Variants in GTF2E2 observed in about 807,000 individuals in gnomAD.
The protein encoded by GTF2E2 is general transcription factor IIE subunit 2, also known as transcription initiation factor IIE subunit beta.
GTF2E2 carries 21 observed loss-of-function variants against 40.5 expected under a neutral mutation model. That is an observed-to-expected ratio of 0.52 (90% CI 0.37 to 0.75). GTF2E2 has a LOEUF of 0.75. Among genes scored for constraint, GTF2E2 ranks in the 30% least tolerant of loss-of-function variants. The pLI, the probability that GTF2E2 is intolerant of heterozygous loss-of-function variation, is 0.00. For synonymous variants in GTF2E2, 117 were observed against 121.6 expected, an observed-to-expected ratio of 0.96 and a Z score of 0.25; for missense variants, 298 against 338.4, an observed-to-expected ratio of 0.88 and a Z score of 0.94.
chr8:30,620,004 G>A lies in GTF2E2; in HGVS notation c.259-5289C>T, dbSNP rs149225576. Among the ~76,000 whole-genome samples the A allele has an allele frequency of 5.9e-3, 898 of 152,086 alleles. 10 individuals carry two copies. The highest frequency in any genetic ancestry group is 0.019 in the African/African-American group (801 of 41,380). On this transcript the variant is annotated intron_variant, in intron 3 of 7. Coordinates refer to ENST00000355904, the MANE Select transcript of GTF2E2 (RefSeq NM_002095.6). Reference sequence around the variant, plus strand: ...AGATGTGACAACAGAAGAGGATGGAGGAAGGACTATGAGTCAGGGAATGCA... The same window carrying A: ...AGATGTGACAACAGAAGAGGATGGAAGAAGGACTATGAGTCAGGGAATGCA...
intron 2 of GTF2E2, chr8:30,645,290 A>G (rs1253436652): frequency 6.6e-7 from 1 of 1,526,050 alleles, no homozygotes; most frequent in Non-Finnish European, 8.7e-7. Context: ...GATTCAAAAG[A>G]GCAAGTGGAA....
intron 7 of GTF2E2, among the ~76,000 whole-genome samples, chr8:30,579,440 T>G (rs1255454427): frequency 1.3e-5 from 2 of 152,210 alleles, no homozygotes; most frequent in Non-Finnish European, 1.5e-5. Flanking sequence ...GTCTGTAATA[T>G]TCTCTATTCT....
intron 3 of GTF2E2, among the ~76,000 whole-genome samples, chr8:30,621,754 C>T (rs902158382): frequency 3.3e-5 from 5 of 151,956 alleles, no homozygotes; most frequent in Non-Finnish European, 5.9e-5. Flanking sequence ...TCTAGCTTTT[C>T]TACATACTTA....
At chr8:30,623,591 ACT>A (rs1346145582) in intron 3 of GTF2E2, among the ~76,000 whole-genome samples, 1 of 152,076 alleles carries the variant, frequency 6.6e-6, no homozygotes, top group Non-Finnish European at 1.5e-5. Flanking sequence ...GAATCGCCAC[ACT>A]GACTTCTACA....
chr8:30,655,605 T>C (rs1802426282), intron 1 of GTF2E2, among the ~76,000 whole-genome samples: 1 of 152,214 alleles, frequency 6.6e-6, no homozygotes, highest in African/African-American at 2.4e-5. Flanking sequence ...AATATCTTGT[T>C]TGTGAGGCAC....
chr8:30,586,515 T>C (rs552387742), intron 6 of GTF2E2, among the ~76,000 whole-genome samples: 1 of 152,298 alleles, frequency 6.6e-6, no homozygotes, highest in South Asian at 2.1e-4. Flanking sequence ...TCCAATGTCA[T>C]TTTTCACATA....
rs148951876 is a variant in GTF2E2, at chr8:30,607,333, C to T, written c.550-183G>A. ...TTAGTTTTGTTTTTAAGAGACTCCACCCAGACTGGAGTGCAGCTCACTGCA... is the reference window on the plus strand; with the variant it reads ...TTAGTTTTGTTTTTAAGAGACTCCATCCAGACTGGAGTGCAGCTCACTGCA... On this transcript the variant is annotated intron_variant, in intron 5 of 7. Transcript: ENST00000355904. Among the ~76,000 whole-genome samples, 733 of 152,286 alleles carry T rather than the reference C, an allele frequency of 4.8e-3. 4 individuals are homozygous for T. The highest frequency in any genetic ancestry group is 0.017 in the African/African-American group (704 of 41,552).
intron 2 of GTF2E2, chr8:30,637,407 T>C (rs971420977): frequency 2.5e-6 from 1 of 402,304 alleles, no homozygotes; most frequent in Admixed American, 3.1e-5. Context: ...ATGTCAAGCT[T>C]AGTAAACACT....
At position 30,653,359 on chromosome 8, in the gene GTF2E2, A is replaced by T. The variant is rs565047343; in HGVS notation, c.166+74T>A. The T allele has an allele frequency of 1.2e-4, 128 of 1,100,056 alleles. 1 individual carries two copies. Among genetic ancestry groups the T allele is most frequent in the Middle Eastern group, 5.2e-4 (2 of 3,842 alleles). The allele number at this position is 1,100,056 out of a possible 1,614,324, so 68.1% of individuals were successfully genotyped here. ...ACATGAGTGCTGAACTGAAAAATGAACTAGCCATAACTAAACGGTTTCCTC... is the reference window on the plus strand; with the variant it reads ...ACATGAGTGCTGAACTGAAAAATGATCTAGCCATAACTAAACGGTTTCCTC... On this transcript the variant is annotated intron_variant, in intron 2 of 7. Coordinates refer to ENST00000355904, the MANE Select transcript of GTF2E2 (RefSeq NM_002095.6).
At chr8:30,607,233 G>A in intron 5 of GTF2E2, 83 bp from the exon 6 acceptor site, 1 of 565,996 alleles carries the variant, frequency 1.8e-6, no homozygotes, top group Non-Finnish European at 3.2e-6. Flanking sequence ...CAATAAAGGA[G>A]TTTCATTTCC....
intron 3 of GTF2E2, among the ~76,000 whole-genome samples, chr8:30,627,792 AG>A (rs1235225180): frequency 1.3e-5 from 2 of 152,252 alleles, no homozygotes; most frequent in Non-Finnish European, 2.9e-5. Context: ...TATTCTCAAC[AG>A]AACACTGAAG....
intron 7 of GTF2E2, among the ~76,000 whole-genome samples, chr8:30,579,923 G>A (rs1456805167): frequency 1.2e-4 from 18 of 152,166 alleles, no homozygotes; most frequent in Admixed American, 1.1e-3. Flanking sequence ...GGAGGGCCCC[G>A]TTCAAGTCTG....
intron 1 of GTF2E2, among the ~76,000 whole-genome samples, chr8:30,656,315 G>A (rs1470395014): frequency 6.6e-6 from 1 of 152,206 alleles, no homozygotes; most frequent in Non-Finnish European, 1.5e-5. Context: ...GGATCTGAAA[G>A]AAGGGAATGA....
At chr8:30,626,633 A>G (rs1216913409) in intron 3 of GTF2E2, among the ~76,000 whole-genome samples, 1 of 152,202 alleles carries the variant, frequency 6.6e-6, no homozygotes, top group Non-Finnish European at 1.5e-5. Flanking sequence ...TGAAGATACA[A>G]TTTACAAGAG....
At chr8:30,647,709 GATAT>G (rs926694186) in intron 2 of GTF2E2, among the ~76,000 whole-genome samples, 2 of 152,186 alleles carry the variant, frequency 1.3e-5, no homozygotes, top group Non-Finnish European at 2.9e-5. Context: ...GTGAAGCTTG[GATAT>G]ATAAAATACT....
chr8:30,590,316 A>C (rs1225490124), intron 6 of GTF2E2, among the ~76,000 whole-genome samples: 1 of 152,182 alleles, frequency 6.6e-6, no homozygotes, highest in Admixed American at 6.5e-5. Context: ...TATGTGCCAC[A>C]GTTAAGGGGA....
chr8:30,653,638 C>A, intron 1 of GTF2E2, 36 bp from the exon 2 acceptor site: 1 of 1,485,146 alleles, frequency 6.7e-7, no homozygotes, highest in Non-Finnish European at 9.3e-7. Context: ...AATACAAATT[C>A]AAGTCACTCA....
At chr8:30,604,588 A>G (rs778808005) in intron 6 of GTF2E2, among the ~76,000 whole-genome samples, 1 of 152,222 alleles carries the variant, frequency 6.6e-6, no homozygotes, top group Non-Finnish European at 1.5e-5. Flanking sequence ...AAAGCAAACT[A>G]AAAGAATAAA....
intron 3 of GTF2E2, among the ~76,000 whole-genome samples, chr8:30,628,645 C>T (rs1585982418): frequency 6.6e-6 from 1 of 152,118 alleles, no homozygotes; most frequent in Non-Finnish European, 1.5e-5. Context: ...TTAAATTTTA[C>T]CAGAGGCTGG....
Sources: allele counts gnomAD v4.1 joint callset (sites outside exome capture counted in the v4.1 genomes callset), GRCh38; gene constraint gnomAD v4.1.1; transcripts MANE v1.5; gene names NCBI Gene and HGNC (gene_info 2026-07-23, HGNC 2026-07-21).